ZHX2: variants seen among roughly 807,000 people sequenced by gnomAD.
The protein encoded by ZHX2 is zinc fingers and homeoboxes protein 2.
A neutral mutation model predicts 21.9 loss-of-function variants in ZHX2; 6 were observed. That is an observed-to-expected ratio of 0.27 (90% CI 0.15 to 0.54). The LOEUF (loss-of-function observed/expected upper bound fraction) is 0.54, where lower values mean the gene tolerates loss of function less well. Among genes scored for constraint, ZHX2 ranks in the 20% least tolerant of loss-of-function variants. The probability of loss-of-function intolerance (pLI) is 0.95; values close to 1 mark genes in which losing one functional copy is unlikely to be tolerated. For synonymous variants in ZHX2, 434 were observed against 437.1 expected, an observed-to-expected ratio of 0.99 and a Z score of 0.09; for missense variants, 908 against 1,090.7, an observed-to-expected ratio of 0.83 and a Z score of 2.36.
chr8:122,872,216 A>G (rs1819459626), intron 2 of ZHX2, among the ~76,000 whole-genome samples: 1 of 152,202 alleles, frequency 6.6e-6, no homozygotes, highest in African/African-American at 2.4e-5. Flanking sequence ...GAGATAGAAG[A>G]CTGCTGGGCT....
rs940478516 is a variant in ZHX2 at position 122,973,630 on chromosome 8, A to G, written c.*393A>G. 10 of 151,144 alleles carry G rather than the reference A, an allele frequency of 6.6e-5. No individual in the cohort carries two copies. The highest frequency in any genetic ancestry group is 2.4e-4 in the African/African-American group (10 of 40,874). 9.4% of individuals were successfully genotyped at this position (151,144 alleles called of 1,614,324 possible). A position where few individuals can be genotyped will look rare whatever the true frequency, so the allele number is the denominator to read the frequency against. On this transcript the variant is annotated 3_prime_UTR_variant, in exon 4 of 4. Coordinates refer to ENST00000314393, the MANE Select transcript of ZHX2 (RefSeq NM_014943.5). ...TTTTTTTCAGGAGGGAGGGCTAACCACCTTGCTTTTCTCTTTTCTCTTTTT... is the reference window on the plus strand; with the variant it reads ...TTTTTTTCAGGAGGGAGGGCTAACCGCCTTGCTTTTCTCTTTTCTCTTTTT...
intron 2 of ZHX2, among the ~76,000 whole-genome samples, chr8:122,874,856 C>T (rs1293020094): frequency 6.6e-6 from 1 of 151,988 alleles, no homozygotes; most frequent in African/African-American, 2.4e-5. Flanking sequence ...TTTTCTACAT[C>T]AGCAGCAGGG....
intron 1 of ZHX2, chr8:122,815,444 G>C (rs1025674436): frequency 3.3e-5 from 5 of 152,420 alleles, no homozygotes; most frequent in African/African-American, 1.2e-4. Flanking sequence ...TTTATAGCAA[G>C]AGAACTAGAA....
chr8:122,835,316 A>G (rs1373604672), intron 1 of ZHX2, among the ~76,000 whole-genome samples: 11 of 152,238 alleles, frequency 7.2e-5, no homozygotes, highest in Non-Finnish European at 1.3e-4. Context: ...CGAGCGAGTA[A>G]GGGCAGGAGA....
At chr8:122,800,752 G>A (rs1308086432) in intron 1 of ZHX2, among the ~76,000 whole-genome samples, 9 of 152,160 alleles carry the variant, frequency 5.9e-5, no homozygotes, top group Admixed American at 2.0e-4. Flanking sequence ...TTCCCAAGGC[G>A]GGGGGCAGAG....
At chr8:122,797,115 G>C (rs1817628524) in intron 1 of ZHX2, among the ~76,000 whole-genome samples, 1 of 152,180 alleles carries the variant, frequency 6.6e-6, no homozygotes, top group Non-Finnish European at 1.5e-5. Flanking sequence ...ATCAGGTTAG[G>C]CTAAGCTATG....
chr8:122,857,388 T>A (rs1819052940), intron 1 of ZHX2, among the ~76,000 whole-genome samples: 1 of 151,892 alleles, frequency 6.6e-6, no homozygotes, highest in Non-Finnish European at 1.5e-5. Context: ...GATGCTGCCC[T>A]TCCCAATGCC....
At chr8:122,885,169 G>A (rs1211541235) in intron 2 of ZHX2, among the ~76,000 whole-genome samples, 9 of 152,224 alleles carry the variant, frequency 5.9e-5, no homozygotes, top group African/African-American at 1.9e-4. Flanking sequence ...GACTGGAAGA[G>A]CCAGTTGTGG....
intron 1 of ZHX2, among the ~76,000 whole-genome samples, chr8:122,849,527 TCTTCTGGCTTCGGGTG>T (rs1818837742): frequency 6.6e-6 from 1 of 152,104 alleles, no homozygotes; most frequent in Non-Finnish European, 1.5e-5. Flanking sequence ...TTTTTTTGCC[TCTTCTGGCTTCGGGTG>T]CTGCTGGCAT....
Position 122,824,630 on chromosome 8 carries a change from A to C in ZHX2, c.-282-38847A>C, listed in dbSNP as rs565126722. On this transcript the variant is annotated intron_variant, in intron 1 of 3. Coordinates refer to ENST00000314393, the MANE Select transcript of ZHX2 (RefSeq NM_014943.5). ...AGAAAGAAACAGAGGGTCCAAGAGGATCACTGGTACCAATATAGGGCCGGT... is the reference window on the plus strand; with the variant it reads ...AGAAAGAAACAGAGGGTCCAAGAGGCTCACTGGTACCAATATAGGGCCGGT... 2.0e-5 allele frequency among the ~76,000 whole-genome samples: 3 copies of C among 152,314 alleles called. No homozygotes were observed. In the East Asian group the frequency reaches 5.8e-4, roughly 29 times the overall value.
At chr8:122,935,536 C>CTTTT (rs397795298) in intron 2 of ZHX2, among the ~76,000 whole-genome samples, 1 of 133,928 alleles carries the variant, frequency 7.5e-6, no homozygotes. Context: ...TTGAGAGTAA[C>CTTTT]TTTTTTTTTT....
At chr8:122,840,322 C>A (rs1032158180) in intron 1 of ZHX2, among the ~76,000 whole-genome samples, 1 of 152,098 alleles carries the variant, frequency 6.6e-6, no homozygotes, top group African/African-American at 2.4e-5. Context: ...GGTAGAGTGT[C>A]GTGGGAAAGA....
rs11325812 is a variant in ZHX2, at chr8:122,795,549, CTT to C, written c.-283+13613_-283+13614del. Among the ~76,000 whole-genome samples the C allele has an allele frequency of 3.3e-4, 50 of 149,678 alleles. No individual in the cohort carries two copies. The South Asian group carries it at 7.6e-3, about 23-fold the overall frequency. The stretch of plus-strand genomic sequence containing the variant: ...TCTTTCTGGTACTTCCAATAGTAAA[CTT>C]TTTTTTTTTAATAGAGTCTGAACTT... On this transcript the variant is annotated intron_variant, in intron 1 of 3. Coordinates refer to ENST00000314393, the MANE Select transcript of ZHX2 (RefSeq NM_014943.5).
intron 2 of ZHX2, among the ~76,000 whole-genome samples, chr8:122,881,242 G>A: frequency 6.6e-6 from 1 of 152,188 alleles, no homozygotes; most frequent in East Asian, 1.9e-4. Flanking sequence ...TTAACTCCTG[G>A]AGGGAGGTCA....
At chr8:122,865,002 C>G (rs997562242) in intron 2 of ZHX2, among the ~76,000 whole-genome samples, 2 of 152,158 alleles carry the variant, frequency 1.3e-5, no homozygotes, top group Non-Finnish European at 2.9e-5. Context: ...CTTTAAGAAA[C>G]TGACAGCCTG....
chr8:122,888,130 C>T (rs1457137751), intron 2 of ZHX2, among the ~76,000 whole-genome samples: 1 of 152,158 alleles, frequency 6.6e-6, no homozygotes, highest in Non-Finnish European at 1.5e-5. Flanking sequence ...CAGCAGTCAT[C>T]TCATTCTTCA....
intron 1 of ZHX2, among the ~76,000 whole-genome samples, chr8:122,858,741 A>G (rs977797016): frequency 2.0e-5 from 3 of 150,480 alleles, no homozygotes; most frequent in Admixed American, 1.3e-4. Flanking sequence ...CCCAGGCTCA[A>G]GCAATTCTCC....
chr8:122,798,675 C>T (rs185598349), intron 1 of ZHX2, among the ~76,000 whole-genome samples: 5 of 151,976 alleles, frequency 3.3e-5, no homozygotes, highest in East Asian at 1.9e-4. Context: ...CCCAGCTACT[C>T]GGGAGGCTGT....
chr8:122,786,999 G>A (rs920835364), intron 1 of ZHX2, among the ~76,000 whole-genome samples: 2 of 148,606 alleles, frequency 1.3e-5, no homozygotes, highest in African/African-American at 5.0e-5. Flanking sequence ...CCTACATTGA[G>A]CAGGTTGTGA....
Sources: allele counts gnomAD v4.1 joint callset (sites outside exome capture counted in the v4.1 genomes callset), GRCh38; gene constraint gnomAD v4.1.1; transcripts MANE v1.5; gene names NCBI Gene and HGNC (gene_info 2026-07-23, HGNC 2026-07-21).